The following PDZRN4 variants were observed in gnomAD, a reference collection of about 807,000 sequenced individuals.
PDZRN4 encodes the protein PDZ domain containing ring finger 4, also known as PDZ domain-containing RING finger protein 4.
A neutral mutation model predicts 99.0 loss-of-function variants in PDZRN4; 70 were observed. The ratio of observed to expected loss-of-function variants is 0.71; its 90% confidence interval spans 0.58 to 0.86. The LOEUF (loss-of-function observed/expected upper bound fraction) is 0.86, where lower values mean the gene tolerates loss of function less well. PDZRN4 is among the 40% of genes least tolerant of loss of function. The pLI is 0.00. For missense variants in PDZRN4, 1,474 were observed against 1,331.2 expected (o/e 1.11, Z -1.67); for synonymous variants, 551 against 501.6 (o/e 1.10, Z -1.32).
intron 3 of PDZRN4, among the ~76,000 whole-genome samples, chr12:41,321,013 A>C (rs1951673737): frequency 6.6e-6 from 1 of 152,204 alleles, no homozygotes; most frequent in Non-Finnish European, 1.5e-5. Context: ...TACAACTTTT[A>C]CAAGTTTGGA....
chr12:41,507,339 T>G (rs1006565082), intron 4 of PDZRN4, among the ~76,000 whole-genome samples: 7 of 152,306 alleles, frequency 4.6e-5, no homozygotes, highest in Admixed American at 2.6e-4. Context: ...CAGAGAGATT[T>G]TATTCAAATA....
intron 3 of PDZRN4, among the ~76,000 whole-genome samples, chr12:41,383,785 G>A (rs1952143345): frequency 3.3e-5 from 5 of 152,106 alleles, no homozygotes; most frequent in Admixed American, 3.3e-4. Context: ...GACTAATGCA[G>A]ACACCAGAAT....
At chr12:41,485,192 GA>G (rs1221662242) in intron 3 of PDZRN4, among the ~76,000 whole-genome samples, 4 of 152,142 alleles carry the variant, frequency 2.6e-5, no homozygotes, top group African/African-American at 7.2e-5. Flanking sequence ...CTAATTGAGG[GA>G]TAAAGTAGAG....
intron 3 of PDZRN4, among the ~76,000 whole-genome samples, chr12:41,213,280 A>G (rs1039905462): frequency 4.1e-4 from 63 of 152,166 alleles, no homozygotes; most frequent in African/African-American, 1.4e-3. Context: ...GAGGCTGGCT[A>G]GTCAGCCAGT....
At chr12:41,275,963 G>A (rs1591993833) in intron 3 of PDZRN4, among the ~76,000 whole-genome samples, 3 of 152,234 alleles carry the variant, frequency 2.0e-5, no homozygotes, top group African/African-American at 7.2e-5. Flanking sequence ...TTTCGGAGTT[G>A]GGTAAATGGT....
chr12:41,313,333 T>C (rs1951619316), intron 3 of PDZRN4, among the ~76,000 whole-genome samples: 1 of 152,200 alleles, frequency 6.6e-6, no homozygotes, highest in Admixed American at 6.5e-5. Flanking sequence ...CCTTTTGCCA[T>C]TGTAAAATGC....
intron 3 of PDZRN4, among the ~76,000 whole-genome samples, chr12:41,217,514 G>T (rs148902884): frequency 9.2e-5 from 14 of 151,980 alleles, no homozygotes; most frequent in Non-Finnish European, 2.1e-4. Flanking sequence ...AAAAAAAATA[G>T]CAGGTTTCAG....
intron 3 of PDZRN4, among the ~76,000 whole-genome samples, chr12:41,214,616 T>G (rs1950909352): frequency 6.6e-6 from 1 of 151,804 alleles, no homozygotes; most frequent in Admixed American, 6.6e-5. Context: ...TTCAGCCTAT[T>G]TAGCATATGA....
intron 3 of PDZRN4, among the ~76,000 whole-genome samples, chr12:41,344,107 A>C (rs1468952886): frequency 6.6e-6 from 1 of 152,100 alleles, no homozygotes; most frequent in African/African-American, 2.4e-5. Context: ...CTGAGTTAGA[A>C]TCTATACTGG....
At chr12:41,276,460 CATATATTTATATGAAATATGA>C (rs1195035395) in intron 3 of PDZRN4, among the ~76,000 whole-genome samples, 3 of 151,700 alleles carry the variant, frequency 2.0e-5, no homozygotes, top group African/African-American at 7.3e-5. Context: ...CGTCATAGTT[CATATATTTATATGAAATATGA>C]ATATATTTAT....
intron 3 of PDZRN4, among the ~76,000 whole-genome samples, chr12:41,244,852 T>C (rs552575661): frequency 9.1e-6 from 1 of 109,518 alleles, no homozygotes; most frequent in East Asian, 3.2e-4. Context: ...GCCCGGCTAA[T>C]TTTTTGTATT....
chr12:41,374,090 G>A (rs80111745), intron 3 of PDZRN4, among the ~76,000 whole-genome samples: 6,991 of 152,126 alleles, frequency 0.046, 412 homozygotes, highest in East Asian at 0.18. Context: ...GCGCTGGAGC[G>A]AGAGCTCTTT....
chr12:41,372,855 A>G (rs201132902), intron 3 of PDZRN4, among the ~76,000 whole-genome samples: 22 of 152,152 alleles, frequency 1.4e-4, no homozygotes, highest in Non-Finnish European at 2.9e-4. Context: ...AGAAGTCTAT[A>G]CAGGATGAAT....
At chr12:41,422,565 C>G (rs1211384166) in intron 3 of PDZRN4, among the ~76,000 whole-genome samples, 2 of 152,096 alleles carry the variant, frequency 1.3e-5, no homozygotes, top group Non-Finnish European at 2.9e-5. Context: ...GAAGGGGAAG[C>G]AAGGACCTTC....
chr12:41,553,540 AAT>A (rs1166079226), intron 6 of PDZRN4, among the ~76,000 whole-genome samples: 2 of 151,804 alleles, frequency 1.3e-5, no homozygotes, highest in African/African-American at 4.8e-5. Flanking sequence ...AAAAAAAAAA[AAT>A]ATTTAGTCAG....
At chr12:41,443,948 A>G (rs1056790143) in intron 3 of PDZRN4, among the ~76,000 whole-genome samples, 1 of 152,148 alleles carries the variant, frequency 6.6e-6, no homozygotes, top group Non-Finnish European at 1.5e-5. Flanking sequence ...AGGAGAACCA[A>G]AAAGTGAGGA....
At chr12:41,213,106 T>A (rs1283946296) in intron 3 of PDZRN4, among the ~76,000 whole-genome samples, 1 of 152,044 alleles carries the variant, frequency 6.6e-6, no homozygotes, top group Non-Finnish European at 1.5e-5. Flanking sequence ...GATGTTAAAT[T>A]ATATCCTCCC....
chr12:41,467,127 C>G (rs978615035), intron 3 of PDZRN4, among the ~76,000 whole-genome samples: 3 of 152,202 alleles, frequency 2.0e-5, no homozygotes, highest in South Asian at 4.1e-4. Context: ...CTGATGGGAT[C>G]ATGGCATACC....
At chr12:41,242,103 T>G (rs942600007) in intron 3 of PDZRN4, among the ~76,000 whole-genome samples, 6 of 152,292 alleles carry the variant, frequency 3.9e-5, no homozygotes, top group East Asian at 1.9e-4. Flanking sequence ...CCTGCAAGAT[T>G]TTTCAGCTTA....
Sources: allele counts gnomAD v4.1 joint callset (sites outside exome capture counted in the v4.1 genomes callset), GRCh38; gene constraint gnomAD v4.1.1; transcripts MANE v1.5; gene names NCBI Gene and HGNC (gene_info 2026-07-23, HGNC 2026-07-21).